PRSS33: variants seen among roughly 807,000 people sequenced by gnomAD.
PRSS33 encodes the protein protease, serine 33.
A neutral mutation model predicts 26.7 loss-of-function variants in PRSS33; 32 were observed. The ratio of observed to expected loss-of-function variants is 1.20; its 90% CI spans 0.90 to 1.61. The LOEUF (loss-of-function observed/expected upper bound fraction) is 1.61, where lower values mean the gene tolerates loss of function less well. Among genes scored for constraint, PRSS33 ranks in the 40% most tolerant of loss-of-function variants. PRSS33 has a pLI of 0.00. For missense variants in PRSS33, 450 were observed against 396.3 expected (o/e 1.14, Z -1.15); for synonymous variants, 192 against 177.6 (o/e 1.08, Z -0.64).
chr16:2,784,995 T>A lies in PRSS33; in HGVS notation c.684+7A>T, dbSNP rs942959955. On this transcript the variant is annotated splice_region_variant and intron_variant, in intron 6 of 6. Coordinates refer to ENST00000682474, the MANE Select transcript of PRSS33 (RefSeq NM_152891.3). ...GACTCCGGAGGCTGGGGAGGCTGGG[T>A]GCACACCTGGCAGGCGTCCTTGTGG... 6.3e-7 allele frequency: 1 copy of A among 1,596,344 alleles called. No homozygotes were observed. Among genetic ancestry groups the A allele is most frequent in the Non-Finnish European group, 8.5e-7 (1 of 1,173,988 alleles).
Position 2,785,627 on chromosome 16 carries a change from A to G in PRSS33, c.262T>C (p.Tyr88His). 1 of 1,500,560 alleles carries G rather than the reference A, an allele frequency of 6.7e-7. No homozygotes were observed. The allele number at this position is 1,500,560 out of a possible 1,614,324, so 93.0% of individuals were successfully genotyped here. Residue 88 changes from tyrosine (Y) to histidine (H), a missense_variant, in exon 5 of 7, where the codon TAC becomes CAC. Tyr to His is a moderately conservative substitution (Grantham distance 83). Coordinates refer to ENST00000682474, the MANE Select transcript of PRSS33 (RefSeq NM_152891.3). The part of the protein sequence containing the change: ...CFPRRALPAE[Y>H]RVRLGALRLG... ...CGCAGCGCCCCCAGGCGCACGCGGTACTCAGCTGGCAGTGCCCTCCTGCAG... is the reference window on the plus strand; with the variant it reads ...CGCAGCGCCCCCAGGCGCACGCGGTGCTCAGCTGGCAGTGCCCTCCTGCAG...
Position 2,784,672 on chromosome 16 carries a change from G to A in PRSS33, c.815C>T (p.Pro272Leu), listed in dbSNP as rs1171729630. 6.2e-7 allele frequency: 1 copy of A among 1,603,336 alleles called. No homozygotes were observed. The highest frequency in any genetic ancestry group is 1.7e-5 in the Admixed American group (1 of 59,116). Reference sequence around the variant, plus strand: ...GAAGCTGACGCGAGCCTGAATCCAGGGGCTATATGTGGCCACACTGGTGTA... The same window carrying A: ...GAAGCTGACGCGAGCCTGAATCCAGAGGCTATATGTGGCCACACTGGTGTA... ...GVYTSVATYS[P>L]WIQARVSF The change falls in exon 7 of 7, where the codon CCC becomes CTC. Residue 272 changes from proline (P) to leucine (L), a missense_variant. Coordinates refer to ENST00000682474, the MANE Select transcript of PRSS33 (RefSeq NM_152891.3).
intron 3 of PRSS33, 54 bp from the exon 4 acceptor site, chr16:2,786,015 G>T: frequency 6.2e-7 from 1 of 1,612,410 alleles, no homozygotes; most frequent in South Asian, 1.1e-5. Flanking sequence ...GGCCTGGGAG[G>T]CAGGTGTTGG....
Position 2,784,657 on chromosome 16 carries a change from C to A in PRSS33, c.830G>T (p.Arg277Leu). Reference protein sequence around the residue: ...VATYSPWIQARVSF With the variant: ...VATYSPWIQALVSF ...CACCGGCTAGCATTAGAAGCTGACG[C>A]GAGCCTGAATCCAGGGGCTATATGT... The change falls in exon 7 of 7, where the codon CGC becomes CTC. Residue 277 changes from arginine to leucine, a missense_variant. Arg to Leu is a moderately radical substitution (Grantham distance 102). Transcript: ENST00000682474. The A allele has an allele frequency of 6.3e-7, 1 of 1,597,198 alleles. No individual in the cohort carries two copies. Among genetic ancestry groups the A allele is most frequent in the Non-Finnish European group, 8.5e-7 (1 of 1,171,546 alleles).
At position 2,786,603 on chromosome 16, in the gene PRSS33, G is replaced by C; in HGVS notation, c.-56C>G. 9 of 1,600,476 alleles carry C rather than the reference G, an allele frequency of 5.6e-6. No homozygotes were observed. The South Asian group carries it at 1.0e-4, about 18-fold the overall frequency. ...GGCACTGCCTAGGGCTTGGACTCTG[G>C]TCTGGAGCCAGCAGGGAGAAGAGAG... On this transcript the variant is annotated splice_region_variant and 5_prime_UTR_variant, in exon 2 of 7. Transcript: ENST00000682474.
rs748539512 is a variant in PRSS33, at chr16:2,785,920, G to A, written c.121C>T (p.Arg41Trp). The A allele has an allele frequency of 2.2e-5, 36 of 1,612,126 alleles. No homozygotes were observed. Among genetic ancestry groups the A allele is most frequent in the Middle Eastern group, 1.7e-4 (1 of 6,056 alleles). The change falls in exon 4 of 7, where the codon CGG becomes TGG. Residue 41 changes from arginine to tryptophan, a missense_variant. By Grantham distance (101) the Arg-to-Trp change is moderately radical. Transcript: ENST00000682474. The stretch of plus-strand genomic sequence containing the variant: ...GGCCACTCTCCGTCCCGGCCATCCC[G>A]GCCCCCAACGATCCGACTGGACATG... Reference protein sequence around the residue: ...PRMSSRIVGGRDGRDGEWPWQ... With the variant: ...PRMSSRIVGGWDGRDGEWPWQ...
chr16:2,785,218 C>T lies in PRSS33; in HGVS notation c.515-47G>A, dbSNP rs547079835. 2,731 of 1,494,014 alleles carry T rather than the reference C, an allele frequency of 1.8e-3. 63 individuals are homozygous for T. In the South Asian group the frequency reaches 0.032, roughly 18 times the overall value. The allele number at this position is 1,494,014 out of a possible 1,614,324, so 92.5% of individuals were successfully genotyped here. On this transcript the variant is annotated intron_variant, in intron 5 of 6. Coordinates refer to ENST00000682474, the MANE Select transcript of PRSS33 (RefSeq NM_152891.3). ...CTGAGAGGAAGGCGTGGAGCGGGGG[C>T]CAGTGGGAGAAGCTGAGCTCTGAGT...
Position 2,784,559 on chromosome 16 carries a change from A to T in PRSS33, c.*85T>A. 1 of 1,349,576 alleles carries T rather than the reference A, an allele frequency of 7.4e-7. No homozygotes were observed. Among genetic ancestry groups the T allele is most frequent in the Non-Finnish European group, 1.0e-6 (1 of 999,708 alleles). 83.6% of individuals were successfully genotyped at this position (1,349,576 alleles called of 1,614,324 possible). A position where few individuals can be genotyped will look rare whatever the true frequency, so the allele number is the denominator to read the frequency against. ...GCATCTTGGCCTCGAGGCAGAAGGG[A>T]TGTGGGGTATAGGCAGGTGCCTGGA... On this transcript the variant is annotated 3_prime_UTR_variant, in exon 7 of 7. Transcript: ENST00000682474.
rs2068871297 is a variant in PRSS33, at chr16:2,786,079, G to C, written c.79+10C>G. 2 of 1,613,302 alleles carry C rather than the reference G, an allele frequency of 1.2e-6. No individual in the cohort carries two copies. Among genetic ancestry groups the C allele is most frequent in the Non-Finnish European group, 1.7e-6 (2 of 1,179,576 alleles). On this transcript the variant is annotated intron_variant, in intron 3 of 6. Transcript: ENST00000682474. ...GGGGCTGACTCGGGTGGACTCCGAG[G>C]CTTCCTCACCTGCAGACTTCCTTCC...
In PRSS33 at chr16:2,786,502, C is replaced by G. The variant is rs769125576; in HGVS notation, c.46G>C (p.Gly16Arg). The change falls in exon 2 of 7, where the codon GGA becomes CGA. Residue 16 changes from glycine to arginine, a missense_variant and splice_region_variant. Transcript: ENST00000682474. ...ACCCCCAGTCCCTGTCCCCACTCAC[C>G]CAGCACCAGAAGGAGCAGGACCTGG... ...CLQVLLLLVLGAAGTQGRKSA... is the reference protein window; with the variant it reads ...CLQVLLLLVLRAAGTQGRKSA... 6.2e-7 allele frequency: 1 copy of G among 1,613,424 alleles called. No individual in the cohort carries two copies. The highest frequency in any genetic ancestry group is 1.1e-5 in the South Asian group (1 of 91,082).
intron 2 of PRSS33, 112 bp from the exon 3 acceptor site, chr16:2,786,233 G>A (rs2150790207): frequency 9.5e-7 from 1 of 1,057,288 alleles, no homozygotes; most frequent in Non-Finnish European, 1.5e-6. Flanking sequence ...CCCTGACATT[G>A]CGCCAGGCTT....
chr16:2,785,445 G>T lies in PRSS33; in HGVS notation c.444C>A (p.Pro148=). ...LSARVQPVCL[P]VPGARPPPGT... ...CGGGCGGCGGGCGGGCGCCGGGCAC[G>T]GGCAGGCAGACGGGTTGGACGCGAG... Residue 148 remains proline, a synonymous_variant, in exon 5 of 7, where the codon CCC becomes CCA. Coordinates refer to ENST00000682474, the MANE Select transcript of PRSS33 (RefSeq NM_152891.3). 6.7e-7 allele frequency: 1 copy of T among 1,496,086 alleles called. No homozygotes were observed. Among genetic ancestry groups the T allele is most frequent in the Non-Finnish European group, 8.8e-7 (1 of 1,132,732 alleles). The allele number at this position is 1,496,086 out of a possible 1,614,324, so 92.7% of individuals were successfully genotyped here.
At chr16:2,786,275 C>T (rs547586218) in intron 2 of PRSS33, among the ~76,000 whole-genome samples, 154 bp from the exon 3 acceptor site, 1 of 152,238 alleles carries the variant, frequency 6.6e-6, no homozygotes, top group Non-Finnish European at 1.5e-5. Context: ...TTAACCCTCC[C>T]CAGAGCACTG....
intron 5 of PRSS33, 82 bp from the exon 6 acceptor site, chr16:2,785,253 T>A: frequency 6.9e-7 from 1 of 1,443,376 alleles, no homozygotes; most frequent in Non-Finnish European, 9.2e-7. Flanking sequence ...TGAGAGGAGG[T>A]TTTGTTCCCT....
Position 2,784,922 on chromosome 16 carries a change from T to C in PRSS33, c.684+80A>G, listed in dbSNP as rs1411774986. 3 of 1,539,064 alleles carry C rather than the reference T, an allele frequency of 1.9e-6. No homozygotes were observed. The South Asian group carries it at 3.6e-5, about 18-fold the overall frequency. On this transcript the variant is annotated intron_variant, in intron 6 of 6. Transcript: ENST00000682474. Reference sequence around the variant, plus strand: ...AGGATCCTGAGCCTGAGTTGGGATGTCCTGGGTCCTGGAGTTCAGGGAGGG... The same window carrying C: ...AGGATCCTGAGCCTGAGTTGGGATGCCCTGGGTCCTGGAGTTCAGGGAGGG...
intron 2 of PRSS33, 67 bp from the exon 3 acceptor site, chr16:2,786,188 G>T: frequency 7.3e-7 from 1 of 1,368,732 alleles, no homozygotes; most frequent in Non-Finnish European, 1.0e-6. Context: ...TTGGAGGGGA[G>T]GCCAGAGATG....
chr16:2,785,215 G>C, intron 5 of PRSS33, 44 bp from the exon 6 acceptor site: 2 of 1,501,998 alleles, frequency 1.3e-6, no homozygotes, highest in Middle Eastern at 1.8e-4. Flanking sequence ...CGTGGAGCGG[G>C]GGCCAGTGGG....
chr16:2,786,616 A>G lies in PRSS33; in HGVS notation c.-57-12T>C. The G allele has an allele frequency of 2.5e-6, 4 of 1,579,840 alleles. No homozygotes were observed. Among genetic ancestry groups the G allele is most frequent in the Non-Finnish European group, 3.5e-6 (4 of 1,153,966 alleles). On this transcript the variant is annotated splice_polypyrimidine_tract_variant and intron_variant, in intron 1 of 6. Coordinates refer to ENST00000682474, the MANE Select transcript of PRSS33 (RefSeq NM_152891.3). ...GCTTGGACTCTGGTCTGGAGCCAGC[A>G]GGGAGAAGAGAGGAGAGTCCTGGCC...
rs370468018 is a variant in PRSS33, at chr16:2,785,871, C to A, written c.170G>T (p.Arg57Leu). 16 of 1,609,670 alleles carry A rather than the reference C, an allele frequency of 9.9e-6. No individual in the cohort carries two copies. The highest frequency in any genetic ancestry group is 1.3e-5 in the Non-Finnish European group (15 of 1,179,034). The change falls in exon 4 of 7, where the codon CGT becomes CTT. Residue 57 changes from arginine (R) to leucine (L), a missense_variant. By Grantham distance (102) the Arg-to-Leu change is moderately radical. Coordinates refer to ENST00000682474, the MANE Select transcript of PRSS33 (RefSeq NM_152891.3). The stretch of plus-strand genomic sequence containing the variant: ...CGACCCCCCGCACACGTGTGCCCCA[C>A]GATGCTGGATGCTCGCCTGCCACGG... ...EWPWQASIQH[R>L]GAHVCGGSLI... is the part of the protein sequence containing the mutation.
Sources: allele counts gnomAD v4.1 joint callset (sites outside exome capture counted in the v4.1 genomes callset), GRCh38; gene constraint gnomAD v4.1.1; transcripts MANE v1.5; gene names NCBI Gene and HGNC (gene_info 2026-07-23, HGNC 2026-07-21).